The following RIMS1 variants were observed in gnomAD, a reference collection of about 807,000 sequenced individuals.
The protein encoded by RIMS1 is regulating synaptic membrane exocytosis 1.
A neutral mutation model predicts 214.1 loss-of-function variants in RIMS1; 83 were observed. That is an observed-to-expected ratio of 0.39 (90% CI 0.32 to 0.47). The LOEUF (loss-of-function observed/expected upper bound fraction) is 0.47. RIMS1 is among the 20% of genes least tolerant of loss of function. The pLI, the probability that RIMS1 is intolerant of heterozygous loss-of-function variation, is 0.99. For synonymous variants in RIMS1, 793 were observed against 786.8 expected (o/e 1.01, Z -0.13); for missense variants, 2,050 against 2,161.8 (o/e 0.95, Z 1.03).
intron 29 of RIMS1, among the ~76,000 whole-genome samples, chr6:72,375,704 A>T (rs2098355464): frequency 6.6e-6 from 1 of 152,024 alleles, no homozygotes; most frequent in Admixed American, 6.5e-5. Context: ...TTCTGGAGGG[A>T]GTGGGGCAAG....
intron 9 of RIMS1, among the ~76,000 whole-genome samples, chr6:72,238,527 ATTAT>A (rs917739383): frequency 4.6e-5 from 7 of 152,166 alleles, no homozygotes; most frequent in East Asian, 1.9e-4. Flanking sequence ...ACACAATGAA[ATTAT>A]TTAATATATG....
chr6:72,302,709 A>G (rs192440847), intron 26 of RIMS1, among the ~76,000 whole-genome samples: 1 of 151,792 alleles, frequency 6.6e-6, no homozygotes, highest in Non-Finnish European at 1.5e-5. Context: ...TTCACAAAAT[A>G]TGATAGCACA....
intron 2 of RIMS1, among the ~76,000 whole-genome samples, chr6:71,974,511 A>C (rs1370891419): frequency 6.6e-6 from 1 of 152,148 alleles, no homozygotes; most frequent in Non-Finnish European, 1.5e-5. Flanking sequence ...CATGGATTTA[A>C]AAAGTCCGAG....
chr6:72,072,521 A>G (rs1830798968), intron 2 of RIMS1, among the ~76,000 whole-genome samples: 1 of 152,210 alleles, frequency 6.6e-6, no homozygotes, highest in Non-Finnish European at 1.5e-5. Flanking sequence ...CTAGGTAATG[A>G]AACAAGCAGG....
intron 2 of RIMS1, among the ~76,000 whole-genome samples, chr6:71,999,196 C>T (rs2151705815): frequency 6.6e-6 from 1 of 152,122 alleles, no homozygotes; most frequent in African/African-American, 2.4e-5. Flanking sequence ...TCAAGATAGA[C>T]TATCATACCA....
chr6:71,924,594 G>C (rs1166979105), intron 1 of RIMS1, among the ~76,000 whole-genome samples: 1 of 143,310 alleles, frequency 7.0e-6, no homozygotes, highest in Non-Finnish European at 1.5e-5. Context: ...AGGAATTTGA[G>C]ACCGGACTGG....
At chr6:71,965,863 T>A (rs900342003) in intron 1 of RIMS1, among the ~76,000 whole-genome samples, 2 of 152,178 alleles carry the variant, frequency 1.3e-5, no homozygotes, top group African/African-American at 4.8e-5. Context: ...GGTCTCCTTA[T>A]GTCGGGCTGA....
intron 6 of RIMS1, among the ~76,000 whole-genome samples, chr6:72,198,320 G>T (rs1376574797): frequency 2.8e-5 from 3 of 106,724 alleles, no homozygotes; most frequent in Non-Finnish European, 3.8e-5. Context: ...GGAACTGGAG[G>T]TTATTATGAA....
chr6:72,139,095 C>G (rs558575294), intron 4 of RIMS1, among the ~76,000 whole-genome samples: 35 of 152,110 alleles, frequency 2.3e-4, no homozygotes, highest in African/African-American at 8.4e-4. Context: ...CATAAAGATA[C>G]ATGCCTGTTT....
At chr6:71,926,272 T>C (rs1039501056) in intron 1 of RIMS1, among the ~76,000 whole-genome samples, 1 of 152,196 alleles carries the variant, frequency 6.6e-6, no homozygotes, top group African/African-American at 2.4e-5. Flanking sequence ...TTCTATTATA[T>C]GTTTAATCTA....
In RIMS1 at chr6:72,275,120, GTATATATATATATATA is replaced by G. The variant is rs10526446; in HGVS notation, c.3482+734_3482+749del. On this transcript the variant is annotated intron_variant, in intron 23 of 33. Coordinates refer to ENST00000521978, the MANE Select transcript of RIMS1 (RefSeq NM_014989.7). Reference sequence around the variant, plus strand: ...GTTGACCCAGTTTTCCTATTTTATGGTATATATATATATATATATATATATATATATATATATATAT... The same window carrying G: ...GTTGACCCAGTTTTCCTATTTTATGGTATATATATATATATATATATATAT... 5.0e-3 allele frequency among the ~76,000 whole-genome samples: 403 copies of G among 81,404 alleles called. 3 individuals carry two copies. The highest frequency in any genetic ancestry group is 7.5e-3 in the African/African-American group (167 of 22,318). The allele number at this position is 81,404 out of a possible 152,430, so 53.4% of individuals were successfully genotyped here.
chr6:72,247,797 T>C (rs1318664286), intron 11 of RIMS1, among the ~76,000 whole-genome samples: 1 of 152,156 alleles, frequency 6.6e-6, no homozygotes, highest in African/African-American at 2.4e-5. Flanking sequence ...TCCAGAAATG[T>C]AGATCAATTC....
chr6:71,937,669 G>GA (rs953047691), intron 1 of RIMS1, among the ~76,000 whole-genome samples: 1 of 152,130 alleles, frequency 6.6e-6, no homozygotes, highest in African/African-American at 2.4e-5. Flanking sequence ...GACAGAGAGG[G>GA]AAAATGGGGG....
rs1388134410 is a variant in RIMS1, at chr6:71,886,841, A to G, written c.-183A>G. The G allele has an allele frequency of 1.5e-6, 1 of 652,460 alleles. No homozygotes were observed. Among genetic ancestry groups the G allele is most frequent in the African/African-American group, 1.8e-5 (1 of 54,552 alleles). The allele number at this position is 652,460 out of a possible 1,614,324, so 40.4% of individuals were successfully genotyped here. On this transcript the variant is annotated 5_prime_UTR_variant, in exon 1 of 34. Coordinates refer to ENST00000521978, the MANE Select transcript of RIMS1 (RefSeq NM_014989.7). ...GCTGGGTGGATGCAAACAACCATGAAAGACTGGGTTCTCGCTCTCCCCGGC... is the reference window on the plus strand; with the variant it reads ...GCTGGGTGGATGCAAACAACCATGAGAGACTGGGTTCTCGCTCTCCCCGGC...
chr6:72,176,881 T>C (rs191345996), intron 4 of RIMS1, among the ~76,000 whole-genome samples: 3 of 152,364 alleles, frequency 2.0e-5, no homozygotes. Flanking sequence ...AAATTCAACT[T>C]ATTTAATAAT....
At chr6:72,043,703 CCTGA>C (rs1235333300) in intron 2 of RIMS1, among the ~76,000 whole-genome samples, 11 of 142,460 alleles carry the variant, frequency 7.7e-5, no homozygotes, top group Non-Finnish European at 1.3e-4. Context: ...CCCTTTTCTG[CCTGA>C]CTGAGTACAA....
intron 6 of RIMS1, among the ~76,000 whole-genome samples, chr6:72,226,384 T>G (rs1459214297): frequency 1.3e-5 from 2 of 152,050 alleles, no homozygotes; most frequent in Admixed American, 1.3e-4. Context: ...CTGTCTCCAA[T>G]TTCTTTTAAT....
intron 6 of RIMS1, among the ~76,000 whole-genome samples, chr6:72,219,504 G>A (rs1041014014): frequency 6.6e-6 from 1 of 152,026 alleles, no homozygotes; most frequent in African/African-American, 2.4e-5. Flanking sequence ...TATGAGTCTT[G>A]AATATCTGGG....
chr6:71,974,211 T>C (rs9341358), intron 2 of RIMS1, among the ~76,000 whole-genome samples: 61,254 of 151,890 alleles, frequency 0.4, 12,691 homozygotes, highest in East Asian at 0.55. Context: ...ATATTTAAAA[T>C]GGATGCCAAG....
Sources: gnomAD v4.1 joint callset for allele counts (sites outside exome capture counted in the v4.1 genomes callset) on GRCh38, gnomAD v4.1.1 for gene constraint, MANE v1.5 for transcripts, NCBI Gene and HGNC (gene_info 2026-07-23, HGNC 2026-07-21) for gene names.